AGPAT4: variants seen among roughly 807,000 people sequenced by gnomAD.
The protein encoded by AGPAT4 is 1-acylglycerol-3-phosphate O-acyltransferase 4, also known as 1-acyl-sn-glycerol-3-phosphate acyltransferase delta.
Under a neutral mutation model 48.0 loss-of-function variants are expected in AGPAT4, and 15 were observed. The ratio of observed to expected loss-of-function variants is 0.31; its 90% CI spans 0.21 to 0.48. The LOEUF (loss-of-function observed/expected upper bound fraction) is 0.48. Among genes scored for constraint, AGPAT4 ranks in the 20% least tolerant of loss-of-function variants. The pLI, the probability that AGPAT4 is intolerant of heterozygous loss-of-function variation, is 0.99. For synonymous variants in AGPAT4, 178 were observed against 198.7 expected (o/e 0.90, Z 0.88); for missense variants, 314 against 482.5 (o/e 0.65, Z 3.27).
chr6:161,214,900 T>C lies in AGPAT4; in HGVS notation c.178+17136A>G, dbSNP rs939452503. ...AAAGTCATTATGGGGCACGTGACTA[T>C]ATTTCAAAACTATCTACGTTGACCT... On this transcript the variant is annotated intron_variant, in intron 2 of 8. Coordinates refer to ENST00000320285, the MANE Select transcript of AGPAT4 (RefSeq NM_020133.3). This position sits in a 1 kb window ranked among gnomAD's most constrained non-coding sequence, Gnocchi z 5.4. 2.0e-5 allele frequency among the ~76,000 whole-genome samples: 3 copies of C among 152,352 alleles called. No individual in the cohort carries two copies. The highest frequency in any genetic ancestry group is 2.0e-4 in the Admixed American group (3 of 15,304).
chr6:161,135,093 A>G lies in AGPAT4; in HGVS notation c.*1447T>C, dbSNP rs1779023365. 2 of 139,718 alleles carry G rather than the reference A, an allele frequency of 1.4e-5. No homozygotes were observed. The highest frequency in any genetic ancestry group is 2.7e-5 in the African/African-American group (1 of 36,422). The allele number at this position is 139,718 out of a possible 1,614,324, so 8.7% of individuals were successfully genotyped here. A position where few individuals can be genotyped will look rare whatever the true frequency, so the allele number is the denominator to read the frequency against. On this transcript the variant is annotated 3_prime_UTR_variant, in exon 9 of 9. Coordinates refer to ENST00000320285, the MANE Select transcript of AGPAT4 (RefSeq NM_020133.3). ...CTTGGCTTACCTAGTTTGGTTGATAAACAATGACTAAATGAGCAAATAGCC... is the reference window on the plus strand; with the variant it reads ...CTTGGCTTACCTAGTTTGGTTGATAGACAATGACTAAATGAGCAAATAGCC...
Position 161,139,379 on chromosome 6 carries a change from G to A in AGPAT4, c.1042+43C>T. The A allele has an allele frequency of 6.2e-7, 1 of 1,602,222 alleles. No homozygotes were observed. The highest frequency in any genetic ancestry group is 8.5e-7 in the Non-Finnish European group (1 of 1,171,158). On this transcript the variant is annotated intron_variant, in intron 8 of 8. Coordinates refer to ENST00000320285, the MANE Select transcript of AGPAT4 (RefSeq NM_020133.3). This position sits in a 1 kb window ranked among gnomAD's most constrained non-coding sequence, Gnocchi z 9.1. ...CCAGCCCTGATGCCACCTCTCCCAG[G>A]GTGGTGCTGTCAGCACCCACCAGCC...
Position 161,245,260 on chromosome 6 carries a change from C to G in AGPAT4, c.-89-12958G>C, listed in dbSNP as rs1350452909. Among the ~76,000 whole-genome samples the G allele has an allele frequency of 6.6e-6, 1 of 152,232 alleles. No individual in the cohort carries two copies. Among genetic ancestry groups the G allele is most frequent in the African/African-American group, 2.4e-5 (1 of 41,456 alleles). On this transcript the variant is annotated intron_variant, in intron 1 of 8. Coordinates refer to ENST00000320285, the MANE Select transcript of AGPAT4 (RefSeq NM_020133.3). The surrounding 1 kb of genome is among the most constrained non-coding windows in gnomAD (Gnocchi z 5.2). Reference sequence around the variant, plus strand: ...CACCTCTGCCATGCTCAGCTTCCTCCTTTGTCAACAGGACGTACTGACATA... The same window carrying G: ...CACCTCTGCCATGCTCAGCTTCCTCGTTTGTCAACAGGACGTACTGACATA...
rs1013628349 is a variant in AGPAT4 at position 161,180,744 on chromosome 6, C to A, written c.179-14327G>T. On this transcript the variant is annotated intron_variant, in intron 2 of 8. Coordinates refer to ENST00000320285, the MANE Select transcript of AGPAT4 (RefSeq NM_020133.3). The surrounding 1 kb of genome is among the most constrained non-coding windows in gnomAD (Gnocchi z 6.4). ...CTGGAGGGCCGGGTCTCTCTCCTGG[C>A]ATCATAAGGAGGCTTGGGAGACAGG... Among the ~76,000 whole-genome samples the A allele has an allele frequency of 6.6e-6, 1 of 152,146 alleles. No individual in the cohort carries two copies. Among genetic ancestry groups the A allele is most frequent in the African/African-American group, 2.4e-5 (1 of 41,430 alleles).
At position 161,202,011 on chromosome 6, in the gene AGPAT4, C is replaced by T. The variant is rs1781251892; in HGVS notation, c.178+30025G>A. On this transcript the variant is annotated intron_variant, in intron 2 of 8. Transcript: ENST00000320285. The surrounding 1 kb of genome is among the most constrained non-coding windows in gnomAD (Gnocchi z 5.4). ...TTAAGACTTATCATAAGTGTTCCTC[C>T]TCCAGGAAGTCTACCTGACCCGGGA... is the stretch of plus-strand genomic sequence containing the variant. Among the ~76,000 whole-genome samples the T allele has an allele frequency of 6.6e-6, 1 of 152,168 alleles. No individual in the cohort carries two copies. Among genetic ancestry groups the T allele is most frequent in the African/African-American group, 2.4e-5 (1 of 41,430 alleles).
rs1041191982 is a variant in AGPAT4 at position 161,142,095 on chromosome 6, C to A, written c.844-2475G>T. ...TATTGAACTCCTGACCTCAGGTGAT[C>A]CTCCTGCCTCAGCCTCCCAAAGTGT... On this transcript the variant is annotated intron_variant, in intron 7 of 8. Transcript: ENST00000320285. This position sits in a 1 kb window ranked among gnomAD's most constrained non-coding sequence, Gnocchi z 6.4. Among the ~76,000 whole-genome samples the A allele has an allele frequency of 2.0e-5, 3 of 152,204 alleles. No individual in the cohort carries two copies. Among genetic ancestry groups the A allele is most frequent in the African/African-American group, 7.2e-5 (3 of 41,450 alleles).
Position 161,149,567 on chromosome 6 carries a change from A to G in AGPAT4, c.665-278T>C, listed in dbSNP as rs755697538. ...TTCTTTCTTTTCTTTTTTTTTGGAG[A>G]TGGAGTCTCACTCTGTCACCCAGGA... is the stretch of plus-strand genomic sequence containing the variant. On this transcript the variant is annotated intron_variant, in intron 5 of 8. Coordinates refer to ENST00000320285, the MANE Select transcript of AGPAT4 (RefSeq NM_020133.3). The surrounding 1 kb of genome is among the most constrained non-coding windows in gnomAD (Gnocchi z 6.5). Among the ~76,000 whole-genome samples the G allele has an allele frequency of 2.3e-4, 35 of 151,138 alleles. No homozygotes were observed. Among genetic ancestry groups the G allele is most frequent in the Non-Finnish European group, 4.4e-4 (30 of 67,906 alleles).
rs575647302 is a variant in AGPAT4 at position 161,147,475 on chromosome 6, C to T, written c.768-876G>A. 6.6e-6 allele frequency among the ~76,000 whole-genome samples: 1 copy of T among 152,284 alleles called. No individual in the cohort carries two copies. The highest frequency in any genetic ancestry group is 1.9e-4 in the East Asian group (1 of 5,188). On this transcript the variant is annotated intron_variant, in intron 6 of 8. Coordinates refer to ENST00000320285, the MANE Select transcript of AGPAT4 (RefSeq NM_020133.3). This position sits in a 1 kb window ranked among gnomAD's most constrained non-coding sequence, Gnocchi z 4.8. Reference sequence around the variant, plus strand: ...CAGGTCACTTCACTCCCTTCTATGGCCTAAGAATATCTTAGTAAGAAGATT... The same window carrying T: ...CAGGTCACTTCACTCCCTTCTATGGTCTAAGAATATCTTAGTAAGAAGATT...
In AGPAT4 at chr6:161,138,714, C is replaced by G. The variant is rs971874522; in HGVS notation, c.1042+708G>C. Among the ~76,000 whole-genome samples, 1 of 152,182 alleles carries G rather than the reference C, an allele frequency of 6.6e-6. No individual in the cohort carries two copies. The highest frequency in any genetic ancestry group is 2.4e-5 in the African/African-American group (1 of 41,434). On this transcript the variant is annotated intron_variant, in intron 8 of 8. Transcript: ENST00000320285. The surrounding 1 kb of genome is among the most constrained non-coding windows in gnomAD (Gnocchi z 4.8). ...TGGACAATGTGCCGTCTCTCCCGGG[C>G]TCTCCAAAGCCTCAGAGGACGCCAG...
At position 161,264,408 on chromosome 6, in the gene AGPAT4, C is replaced by T. The variant is rs972936305; in HGVS notation, c.-90+9530G>A. Among the ~76,000 whole-genome samples, 1 of 152,190 alleles carries T rather than the reference C, an allele frequency of 6.6e-6. No homozygotes were observed. Among genetic ancestry groups the T allele is most frequent in the African/African-American group, 2.4e-5 (1 of 41,442 alleles). On this transcript the variant is annotated intron_variant, in intron 1 of 8. Transcript: ENST00000320285. This position sits in a 1 kb window ranked among gnomAD's most constrained non-coding sequence, Gnocchi z 6.8. The stretch of plus-strand genomic sequence containing the variant: ...GTCCCACCTCACCCACTGGCCCACT[C>T]CTCTGGTCTCTGGCACTCCGTGAGA...
chr6:161,261,140 C>T lies in AGPAT4; in HGVS notation c.-90+12798G>A, dbSNP rs1783089193. Among the ~76,000 whole-genome samples, 1 of 152,220 alleles carries T rather than the reference C, an allele frequency of 6.6e-6. No individual in the cohort carries two copies. The highest frequency in any genetic ancestry group is 1.5e-5 in the Non-Finnish European group (1 of 68,034). On this transcript the variant is annotated intron_variant, in intron 1 of 8. Coordinates refer to ENST00000320285, the MANE Select transcript of AGPAT4 (RefSeq NM_020133.3). The surrounding 1 kb of genome is among the most constrained non-coding windows in gnomAD (Gnocchi z 5.3). Reference sequence around the variant, plus strand: ...CATGTGTTTATCCTTCCAACCCCTGCTTAAGCCAGCTCCTTCTCCTCCCTG... The same window carrying T: ...CATGTGTTTATCCTTCCAACCCCTGTTTAAGCCAGCTCCTTCTCCTCCCTG...
chr6:161,145,800 C>A (rs1319497377), intron 7 of AGPAT4, among the ~76,000 whole-genome samples: 2 of 151,640 alleles, frequency 1.3e-5, no homozygotes, highest in Non-Finnish European at 2.9e-5. Flanking sequence ...ATATCTGATT[C>A]TAGGGAATGA....
At chr6:161,227,403 C>T (rs1023872040) in intron 2 of AGPAT4, among the ~76,000 whole-genome samples, 23 of 152,242 alleles carry the variant, frequency 1.5e-4, no homozygotes, top group African/African-American at 5.5e-4. Context: ...GAAGACCTGA[C>T]TGCCTTTTTG....
rs867719042 is a variant in AGPAT4 at position 161,142,198 on chromosome 6, A to T, written c.844-2578T>A. On this transcript the variant is annotated intron_variant, in intron 7 of 8. Transcript: ENST00000320285. The surrounding 1 kb of genome is among the most constrained non-coding windows in gnomAD (Gnocchi z 6.4). ...CTTTGTCTGTGGTTTAAAACACTAA[A>T]TCTCATCCCCTCCCCTCACTTATGG... is the stretch of plus-strand genomic sequence containing the variant. Among the ~76,000 whole-genome samples the T allele has an allele frequency of 8.5e-5, 13 of 152,168 alleles. No individual in the cohort carries two copies. Among genetic ancestry groups the T allele is most frequent in the South Asian group, 6.2e-4 (3 of 4,828 alleles).
intron 3 of AGPAT4, among the ~76,000 whole-genome samples, chr6:161,162,706 T>G (rs1297402108): frequency 6.6e-6 from 1 of 152,230 alleles, no homozygotes; most frequent in Admixed American, 6.5e-5. Context: ...TTTAAGGATC[T>G]GAAGACAAAT....
rs1779825919 is a variant in AGPAT4 at position 161,158,508 on chromosome 6, T to A, written c.349-4198A>T. On this transcript the variant is annotated intron_variant, in intron 3 of 8. Transcript: ENST00000320285. The surrounding 1 kb of genome is among the most constrained non-coding windows in gnomAD (Gnocchi z 5.3). ...GGAGAGAGAGAGTGAAAGAGAGAGT[T>A]GTCTTAGGGCAGGTGCTTGGAGCTA... is the stretch of plus-strand genomic sequence containing the variant. 6.6e-6 allele frequency among the ~76,000 whole-genome samples: 1 copy of A among 152,160 alleles called. No individual in the cohort carries two copies. The highest frequency in any genetic ancestry group is 2.4e-5 in the African/African-American group (1 of 41,436).
rs1783114024 is a variant in AGPAT4 at position 161,261,881 on chromosome 6, G to A, written c.-90+12057C>T. On this transcript the variant is annotated intron_variant, in intron 1 of 8. Coordinates refer to ENST00000320285, the MANE Select transcript of AGPAT4 (RefSeq NM_020133.3). This position sits in a 1 kb window ranked among gnomAD's most constrained non-coding sequence, Gnocchi z 5.3. The stretch of plus-strand genomic sequence containing the variant: ...TGAACAGGCATTGACCTTCACACCT[G>A]GGTAGGGGCTCCTGGGCCAGAGACC... Among the ~76,000 whole-genome samples the A allele has an allele frequency of 6.6e-6, 1 of 152,164 alleles. No individual in the cohort carries two copies. The highest frequency in any genetic ancestry group is 2.4e-5 in the African/African-American group (1 of 41,444).
At chr6:161,256,173 A>T (rs975540074) in intron 1 of AGPAT4, among the ~76,000 whole-genome samples, 1 of 152,132 alleles carries the variant, frequency 6.6e-6, no homozygotes, top group Non-Finnish European at 1.5e-5. Context: ...AACTGAAATG[A>T]TCTCGGAGAC....
rs1420140704 is a variant in AGPAT4, at chr6:161,148,317, CAG to C, written c.767+868_767+869del. 2.6e-5 allele frequency among the ~76,000 whole-genome samples: 4 copies of C among 152,122 alleles called. No individual in the cohort carries two copies. The highest frequency in any genetic ancestry group is 4.4e-5 in the Non-Finnish European group (3 of 68,028). ...TGCTGTCCTATTTTCATGGGAAAGC[CAG>C]AGTCATTTTTAGATCAGAAGCTACT... On this transcript the variant is annotated intron_variant, in intron 6 of 8. Coordinates refer to ENST00000320285, the MANE Select transcript of AGPAT4 (RefSeq NM_020133.3). The surrounding 1 kb of genome is among the most constrained non-coding windows in gnomAD (Gnocchi z 5.5).
Sources: allele counts gnomAD v4.1 joint callset (sites outside exome capture counted in the v4.1 genomes callset), GRCh38; gene constraint gnomAD v4.1.1; non-coding constraint Gnocchi (gnomAD v3.1); transcripts MANE v1.5; gene names NCBI Gene and HGNC (gene_info 2026-07-23, HGNC 2026-07-21).